Variants in RBFOX1 observed in about 807,000 individuals in gnomAD.
RBFOX1 encodes the protein RNA binding fox-1 homolog 1, also known as RNA binding protein fox-1 homolog 1.
Under a neutral mutation model 57.7 loss-of-function variants are expected in RBFOX1, and 8 were observed. The observed-to-expected ratio is 0.14, with a 90% CI of 0.08 to 0.25. The LOEUF is 0.25. Ranked by LOEUF, RBFOX1 falls within the 10% of genes least tolerant of loss-of-function variation. The probability of loss-of-function intolerance (pLI) is 1.00; values close to 1 mark genes in which losing one functional copy is unlikely to be tolerated. For missense variants in RBFOX1, 611 were observed against 548.5 expected, an observed-to-expected ratio of 1.11 and a Z score of -1.14; for synonymous variants, 326 against 222.4, an observed-to-expected ratio of 1.47 and a Z score of -4.15.
intron 3 of RBFOX1, among the ~76,000 whole-genome samples, chr16:5,769,615 T>C (rs2053909161): frequency 6.6e-6 from 1 of 152,006 alleles, no homozygotes. Flanking sequence ...ATCATGCCAT[T>C]GGAATCTAGT....
chr16:6,127,438 C>T (rs895801388), intron 1 of RBFOX1, among the ~76,000 whole-genome samples: 1 of 152,046 alleles, frequency 6.6e-6, no homozygotes, highest in African/African-American at 2.4e-5. Flanking sequence ...ATGCCAAGCC[C>T]TGACGTAGGC....
intron 2 of RBFOX1, among the ~76,000 whole-genome samples, chr16:6,458,563 T>C (rs1329452294): frequency 6.6e-6 from 1 of 152,182 alleles, no homozygotes; most frequent in East Asian, 1.9e-4. Context: ...AAACCAGGCA[T>C]CAACCATTGG....
rs141157597 is a variant in RBFOX1 at position 6,648,558 on chromosome 16, G to T, written c.-63-6045G>T. ...CAGAACTGGAATTACCCGCAGCCCT[G>T]TCCTCCCACCCTTCAGCCTTCAGTC... On this transcript the variant is annotated intron_variant, in intron 2 of 15. Transcript: ENST00000550418. Among the ~76,000 whole-genome samples, 514 of 152,220 alleles carry T rather than the reference G, an allele frequency of 3.4e-3. 2 individuals carry two copies. The highest frequency in any genetic ancestry group is 0.012 in the African/African-American group (493 of 41,560).
rs141003622 is a variant in RBFOX1, at chr16:7,508,742, C to T, written c.28-9405C>T. On this transcript the variant is annotated intron_variant, in intron 4 of 15. Coordinates refer to ENST00000550418, the MANE Select transcript of RBFOX1 (RefSeq NM_018723.4). ...AACTAGAACCTGCAAAACAGACAAGCAGAAAGGTTGAATTCTTCCAGGCGG... is the reference window on the plus strand; with the variant it reads ...AACTAGAACCTGCAAAACAGACAAGTAGAAAGGTTGAATTCTTCCAGGCGG... 4.5e-3 allele frequency among the ~76,000 whole-genome samples: 685 copies of T among 152,204 alleles called. 9 individuals are homozygous for T. Among genetic ancestry groups the T allele is most frequent in the African/African-American group, 0.016 (664 of 41,550 alleles).
chr16:7,100,819 A>G (rs1000284520), intron 4 of RBFOX1, among the ~76,000 whole-genome samples: 2 of 152,194 alleles, frequency 1.3e-5, no homozygotes, highest in Admixed American at 6.5e-5. Flanking sequence ...CAAACTAAAA[A>G]TGTGTTGTCA....
intron 1 of RBFOX1, among the ~76,000 whole-genome samples, chr16:6,312,515 A>G (rs1316990194): frequency 6.6e-6 from 1 of 152,188 alleles, no homozygotes; most frequent in African/African-American, 2.4e-5. Flanking sequence ...CATAGCACTT[A>G]CTAATGGAGC....
At chr16:7,577,916 A>C (rs1041181110) in intron 5 of RBFOX1, among the ~76,000 whole-genome samples, 4 of 152,160 alleles carry the variant, frequency 2.6e-5, no homozygotes, top group Non-Finnish European at 5.9e-5. Context: ...AACAAAAGAC[A>C]ATGACAAAAT....
At chr16:6,916,669 C>T (rs74418672) in intron 3 of RBFOX1, among the ~76,000 whole-genome samples, 3,284 of 152,096 alleles carry the variant, frequency 0.022, 117 homozygotes, top group African/African-American at 0.076. Flanking sequence ...CTTCCCAGGT[C>T]GTCCTTTTAC....
intron 2 of RBFOX1, among the ~76,000 whole-genome samples, chr16:6,350,488 A>C (rs1297395941): frequency 2.3e-4 from 29 of 126,822 alleles, no homozygotes; most frequent in East Asian, 2.0e-3. Context: ...AAAAAAAAAA[A>C]AAAAAAAAAA....
At chr16:7,602,440 G>A (rs1239845841) in intron 9 of RBFOX1, among the ~76,000 whole-genome samples, 1 of 152,156 alleles carries the variant, frequency 6.6e-6, no homozygotes, top group Non-Finnish European at 1.5e-5. Flanking sequence ...TCCTTTTGTT[G>A]TAAGCCTCAT....
At chr16:7,109,472 G>A (rs2064235187) in intron 4 of RBFOX1, among the ~76,000 whole-genome samples, 1 of 152,146 alleles carries the variant, frequency 6.6e-6, no homozygotes, top group Non-Finnish European at 1.5e-5. Flanking sequence ...ATGTATGGAA[G>A]GAAGGTGGTG....
At chr16:7,416,583 C>T (rs567334619) in intron 4 of RBFOX1, among the ~76,000 whole-genome samples, 1 of 152,152 alleles carries the variant, frequency 6.6e-6, no homozygotes, top group Non-Finnish European at 1.5e-5. Context: ...CTTCTGGGGA[C>T]AGCCTTCTTG....
intron 4 of RBFOX1, among the ~76,000 whole-genome samples, chr16:7,219,550 C>G (rs1195250099): frequency 3.3e-5 from 5 of 152,194 alleles, no homozygotes; most frequent in East Asian, 3.8e-4. Context: ...ATATGACAGA[C>G]TTGCTATTTT....
At chr16:6,927,816 C>T (rs1236837831) in intron 3 of RBFOX1, among the ~76,000 whole-genome samples, 1 of 152,114 alleles carries the variant, frequency 6.6e-6, no homozygotes, top group Non-Finnish European at 1.5e-5. Flanking sequence ...GAGCCAGAAG[C>T]CTAACACTGA....
chr16:5,516,068 A>G (rs1168768391), intron 2 of RBFOX1, among the ~76,000 whole-genome samples: 2 of 152,176 alleles, frequency 1.3e-5, no homozygotes, highest in African/African-American at 4.8e-5. Flanking sequence ...TACAGTGAAT[A>G]TTCCCGCTTC....
intron 2 of RBFOX1, among the ~76,000 whole-genome samples, chr16:5,576,840 T>C (rs915062928): frequency 1.3e-4 from 20 of 152,376 alleles, no homozygotes; most frequent in African/African-American, 4.1e-4. Context: ...GCTAGAGAAC[T>C]AAATAAATAG....
chr16:5,525,694 C>T (rs1475378913), intron 2 of RBFOX1, among the ~76,000 whole-genome samples: 1 of 151,722 alleles, frequency 6.6e-6, no homozygotes, highest in African/African-American at 2.4e-5. Flanking sequence ...GACAGGGTTT[C>T]GTCATGTTGG....
intron 4 of RBFOX1, among the ~76,000 whole-genome samples, chr16:7,064,155 G>A (rs2055325842): frequency 7.3e-6 from 1 of 137,292 alleles, no homozygotes; most frequent in Non-Finnish European, 1.5e-5. Flanking sequence ...CAGTATGACT[G>A]GTGTTCTTTT....
intron 3 of RBFOX1, among the ~76,000 whole-genome samples, chr16:7,017,914 A>T (rs1471443353): frequency 6.6e-6 from 1 of 152,194 alleles, no homozygotes; most frequent in African/African-American, 2.4e-5. Flanking sequence ...GACATTTACC[A>T]AAATGCTATA....
Sources: gnomAD v4.1 joint callset for allele counts (sites outside exome capture counted in the v4.1 genomes callset) on GRCh38, gnomAD v4.1.1 for gene constraint, MANE v1.5 for transcripts, NCBI Gene and HGNC (gene_info 2026-07-23, HGNC 2026-07-21) for gene names.